MGAT5: variants seen among roughly 807,000 people sequenced by gnomAD.
The protein encoded by MGAT5 is alpha-1,6-mannosylglycoprotein 6-beta-N-acetylglucosaminyltransferase.
MGAT5 carries 30 observed loss-of-function variants against 94.3 expected under a neutral mutation model. That is an observed-to-expected ratio of 0.32 (90% CI 0.24 to 0.43). MGAT5 has a LOEUF of 0.43. Ranked by LOEUF, MGAT5 falls within the 20% of genes least tolerant of loss-of-function variation. MGAT5 has a pLI of 1.00. For synonymous variants in MGAT5, 310 were observed against 322.9 expected (o/e 0.96, Z 0.43); for missense variants, 691 against 905.5 (o/e 0.76, Z 3.04).
At chr2:134,442,590 G>A (rs1574110762) in intron 15 of MGAT5, among the ~76,000 whole-genome samples, 1 of 152,162 alleles carries the variant, frequency 6.6e-6, no homozygotes, top group East Asian at 1.9e-4. Flanking sequence ...CACAGGGGAG[G>A]CGCCTTCCTT....
At chr2:134,197,697 A>T (rs1396139552) in intron 1 of MGAT5, among the ~76,000 whole-genome samples, 2 of 152,210 alleles carry the variant, frequency 1.3e-5, no homozygotes, top group African/African-American at 2.4e-5. Context: ...CTCAAACAAT[A>T]CTGATTTAAA....
At chr2:134,411,745 T>C (rs1683676018) in intron 11 of MGAT5, among the ~76,000 whole-genome samples, 1 of 152,188 alleles carries the variant, frequency 6.6e-6, no homozygotes, top group Non-Finnish European at 1.5e-5. Flanking sequence ...AAGGAGGGGA[T>C]TGCTGTGAAA....
At chr2:134,234,695 G>A (rs915784942) in intron 1 of MGAT5, among the ~76,000 whole-genome samples, 3 of 152,234 alleles carry the variant, frequency 2.0e-5, no homozygotes, top group African/African-American at 7.2e-5. Flanking sequence ...TGTGTTGGGT[G>A]GTGAATGAGG....
At chr2:134,136,428 G>A (rs1174959890) in intron 1 of MGAT5, among the ~76,000 whole-genome samples, 2 of 152,064 alleles carry the variant, frequency 1.3e-5, no homozygotes, top group Non-Finnish European at 2.9e-5. Context: ...TTAGCTGAGC[G>A]TGGTGGCGGG....
intron 1 of MGAT5, among the ~76,000 whole-genome samples, chr2:134,217,238 GGTGTGTGT>G (rs35795776): frequency 3.4e-5 from 5 of 145,114 alleles, no homozygotes; most frequent in African/African-American, 7.8e-5. Flanking sequence ...GAGAGAGAGT[GGTGTGTGT>G]GTGTGTGTGT....
intron 2 of MGAT5, among the ~76,000 whole-genome samples, chr2:134,272,430 C>G (rs1684090141): frequency 6.6e-6 from 1 of 151,742 alleles, no homozygotes; most frequent in Non-Finnish European, 1.5e-5. Context: ...AATGATTAAC[C>G]TCATTTGCAT....
intron 2 of MGAT5, among the ~76,000 whole-genome samples, chr2:134,278,126 G>A (rs1039315714): frequency 3.9e-5 from 6 of 152,146 alleles, no homozygotes; most frequent in Non-Finnish European, 5.9e-5. Context: ...ATTTCTTTTG[G>A]TATGTTTACC....
At chr2:134,141,767 CTCCAGCAT>C (rs1362181080) in intron 1 of MGAT5, among the ~76,000 whole-genome samples, 1 of 152,196 alleles carries the variant, frequency 6.6e-6, no homozygotes, top group Non-Finnish European at 1.5e-5. Context: ...TGTGGTTCAA[CTCCAGCAT>C]TGCTGGCAGC....
chr2:134,317,637 GCA>G, intron 3 of MGAT5, 32 bp downstream of exon 3: 1 of 1,382,718 alleles, frequency 7.2e-7, no homozygotes. Context: ...TCCCCAATCT[GCA>G]CAAACACCCC....
At chr2:134,365,977 G>A (rs1195805393) in intron 10 of MGAT5, among the ~76,000 whole-genome samples, 1 of 152,024 alleles carries the variant, frequency 6.6e-6, no homozygotes, top group African/African-American at 2.4e-5. Flanking sequence ...AGGTGGGGAG[G>A]GGAATCTTGC....
chr2:134,288,399 T>C (rs372934371), intron 2 of MGAT5, among the ~76,000 whole-genome samples: 1 of 152,316 alleles, frequency 6.6e-6, no homozygotes, highest in East Asian at 1.9e-4. Context: ...TGTGCTCCTT[T>C]GTTGATGTGT....
intron 1 of MGAT5, among the ~76,000 whole-genome samples, chr2:134,168,438 A>T (rs1187099806): frequency 6.6e-6 from 1 of 152,178 alleles, no homozygotes; most frequent in Non-Finnish European, 1.5e-5. Context: ...AAATGGAAAG[A>T]TGAGAGAAAG....
intron 2 of MGAT5, among the ~76,000 whole-genome samples, chr2:134,277,072 T>G (rs907471296): frequency 2.9e-4 from 44 of 152,260 alleles, no homozygotes; most frequent in African/African-American, 1.1e-3. Context: ...CAGTTGAAAC[T>G]TTGATGCTAG....
At chr2:134,132,247 G>T (rs1223219484) in intron 1 of MGAT5, among the ~76,000 whole-genome samples, 2 of 152,012 alleles carry the variant, frequency 1.3e-5, no homozygotes, top group East Asian at 3.9e-4. Flanking sequence ...TCCCTTTTTA[G>T]AAAACCATTA....
At chr2:134,174,718 G>T (rs1688377327) in intron 1 of MGAT5, among the ~76,000 whole-genome samples, 1 of 152,234 alleles carries the variant, frequency 6.6e-6, no homozygotes, top group South Asian at 2.1e-4. Flanking sequence ...ATTTCTTCCT[G>T]TGCTTCCCAG....
At chr2:134,230,352 G>A (rs1488609018) in intron 1 of MGAT5, among the ~76,000 whole-genome samples, 1 of 152,168 alleles carries the variant, frequency 6.6e-6, no homozygotes, top group Non-Finnish European at 1.5e-5. Flanking sequence ...ACAGGCCAAG[G>A]ACTGGTACTG....
At chr2:134,373,779 G>C (rs1680974737) in intron 10 of MGAT5, among the ~76,000 whole-genome samples, 1 of 152,192 alleles carries the variant, frequency 6.6e-6, no homozygotes, top group Non-Finnish European at 1.5e-5. Flanking sequence ...GTCCAGGCAT[G>C]GAGAGACAGT....
chr2:134,145,214 C>CTGTGTGTG (rs59065013), intron 1 of MGAT5, among the ~76,000 whole-genome samples: 70 of 143,858 alleles, frequency 4.9e-4, no homozygotes, highest in African/African-American at 1.7e-3. Flanking sequence ...GTCTCTCTCT[C>CTGTGTGTG]TGTGTGTGTG....
intron 1 of MGAT5, among the ~76,000 whole-genome samples, chr2:134,154,167 T>C (rs1687366131): frequency 6.6e-6 from 1 of 152,142 alleles, no homozygotes; most frequent in Non-Finnish European, 1.5e-5. Flanking sequence ...CAGCAGGTAA[T>C]GAGGAGGAAT....
Sources: allele counts gnomAD v4.1 joint callset (sites outside exome capture counted in the v4.1 genomes callset), GRCh38; gene constraint gnomAD v4.1.1; transcripts MANE v1.5; gene names NCBI Gene and HGNC (gene_info 2026-07-23, HGNC 2026-07-21).